The following LIN7A variants were observed in gnomAD, a reference collection of about 807,000 sequenced individuals.
LIN7A encodes the protein lin-7 cell polarity scaffold A.
Under a neutral mutation model 29.8 loss-of-function variants are expected in LIN7A, and 25 were observed. The observed-to-expected ratio is 0.84, with a 90% confidence interval of 0.61 to 1.17. The LOEUF is 1.17. LIN7A is among the 50% of genes most tolerant of loss of function. LIN7A has a pLI of 0.00. For missense variants in LIN7A, 239 were observed against 287.0 expected, an observed-to-expected ratio of 0.83 and a Z score of 1.21; for synonymous variants, 118 against 107.5, an observed-to-expected ratio of 1.10 and a Z score of -0.60.
intron 5 of LIN7A, among the ~76,000 whole-genome samples, chr12:80,805,828 A>C (rs1870949644): frequency 6.6e-6 from 1 of 151,864 alleles, no homozygotes; most frequent in Non-Finnish European, 1.5e-5. Flanking sequence ...TGTTCTTGTG[A>C]TAGTGAATAA....
intron 1 of LIN7A, among the ~76,000 whole-genome samples, chr12:80,918,030 C>A (rs1034900223): frequency 6.6e-6 from 1 of 151,956 alleles, no homozygotes; most frequent in Non-Finnish European, 1.5e-5. Context: ...ACATTTCTTT[C>A]TTTCATTGTT....
chr12:80,807,067 T>TTTTTTTG lies in LIN7A; in HGVS notation c.*4397_*4398insCAAAAAA, dbSNP rs746997537. Among the ~76,000 whole-genome samples the TTTTTTTG allele has an allele frequency of 8.6e-3, 599 of 69,552 alleles. 72 individuals are homozygous for TTTTTTTG. The highest frequency in any genetic ancestry group is 0.012 in the Non-Finnish European group (418 of 33,666). 45.6% of individuals were successfully genotyped at this position (69,552 alleles called of 152,430 possible). On this transcript the variant is annotated intron_variant, in intron 5 of 5. Transcript: ENST00000552864. ...AGGAAATTTAATGAAGATGGAGTTT[T>TTTTTTTG]TTTTTTTTTTTTTTTTTTTTTTTTG...
At chr12:80,910,735 T>C (rs1157976548) in intron 1 of LIN7A, among the ~76,000 whole-genome samples, 2 of 152,200 alleles carry the variant, frequency 1.3e-5, no homozygotes, top group Non-Finnish European at 2.9e-5. Flanking sequence ...GAATACATTA[T>C]CTTTTGTATG....
intron 2 of LIN7A, among the ~76,000 whole-genome samples, chr12:80,871,681 C>G (rs1051330625): frequency 6.6e-6 from 1 of 151,868 alleles, no homozygotes; most frequent in Non-Finnish European, 1.5e-5. Flanking sequence ...CAGATAGAGA[C>G]TAATTCATAA....
intron 1 of LIN7A, among the ~76,000 whole-genome samples, chr12:80,905,190 ATTT>A (rs5799497): frequency 1.5e-4 from 23 of 150,134 alleles, no homozygotes; most frequent in African/African-American, 4.2e-4. Flanking sequence ...ATTTCCAAGG[ATTT>A]TTTTTTTTTC....
At chr12:80,915,389 C>T (rs1335160269) in intron 1 of LIN7A, among the ~76,000 whole-genome samples, 1 of 152,002 alleles carries the variant, frequency 6.6e-6, no homozygotes, top group Non-Finnish European at 1.5e-5. Context: ...CAAGGCAAGG[C>T]TACAGAGAAA....
At chr12:80,818,534 C>T (rs1002104119) in intron 4 of LIN7A, among the ~76,000 whole-genome samples, 1 of 152,098 alleles carries the variant, frequency 6.6e-6, no homozygotes, top group Non-Finnish European at 1.5e-5. Flanking sequence ...ACCTACCAAT[C>T]CTTAATCTTA....
At chr12:80,829,355 T>C (rs1367637042) in intron 4 of LIN7A, among the ~76,000 whole-genome samples, 1 of 152,200 alleles carries the variant, frequency 6.6e-6, no homozygotes, top group East Asian at 1.9e-4. Context: ...CATGACTGAA[T>C]GGTTTTTCTC....
At chr12:80,825,986 A>G (rs1413330423) in intron 4 of LIN7A, among the ~76,000 whole-genome samples, 1 of 152,210 alleles carries the variant, frequency 6.6e-6, no homozygotes, top group Non-Finnish European at 1.5e-5. Context: ...TGTGTTTCCT[A>G]TAAAGTGTAA....
chr12:80,854,361 G>A (rs1325751827), intron 2 of LIN7A, among the ~76,000 whole-genome samples: 1 of 151,832 alleles, frequency 6.6e-6, no homozygotes, highest in Non-Finnish European at 1.5e-5. Context: ...GATCACTTGA[G>A]CGCAGGTATT....
rs1385788328 is a variant in LIN7A at position 80,887,790 on chromosome 12, A to G, written c.201+1461T>C. On this transcript the variant is annotated intron_variant, in intron 2 of 5. Transcript: ENST00000552864. ...GAATTCATCATAAGCCACATACTCA[A>G]TGAGCAGAGGTATATATTTGATGTA... Among the ~76,000 whole-genome samples, 7 of 152,230 alleles carry G rather than the reference A, an allele frequency of 4.6e-5. No individual in the cohort carries two copies. In the East Asian group the frequency reaches 1.2e-3, roughly 25 times the overall value.
At chr12:80,873,240 G>C (rs1874509597) in intron 2 of LIN7A, among the ~76,000 whole-genome samples, 1 of 152,114 alleles carries the variant, frequency 6.6e-6, no homozygotes, top group South Asian at 2.1e-4. Flanking sequence ...CCTTAAAACA[G>C]AGGAACAGGT....
Position 80,794,035 on chromosome 12 carries a change from T to C in LIN7A, c.*3692A>G, listed in dbSNP as rs2121456931. The C allele has an allele frequency of 6.6e-6, 1 of 152,174 alleles. No individual in the cohort carries two copies. The highest frequency in any genetic ancestry group is 3.4e-3 in the Middle Eastern group (1 of 294). 9.4% of individuals were successfully genotyped at this position (152,174 alleles called of 1,614,324 possible). ...GAAGCCTTTAAAGTAATTAATGAAATTTCAAATTCATACATCTAAAAAGTT... is the reference window on the plus strand; with the variant it reads ...GAAGCCTTTAAAGTAATTAATGAAACTTCAAATTCATACATCTAAAAAGTT... On this transcript the variant is annotated 3_prime_UTR_variant, in exon 6 of 6. Transcript: ENST00000552864.
chr12:80,918,390 T>A (rs2120854819), intron 1 of LIN7A, among the ~76,000 whole-genome samples: 1 of 152,108 alleles, frequency 6.6e-6, no homozygotes, highest in Middle Eastern at 3.4e-3. Context: ...ACCAAGTAGG[T>A]GGAATATATT....
chr12:80,838,880 G>A (rs1872692111), intron 4 of LIN7A, among the ~76,000 whole-genome samples: 1 of 152,168 alleles, frequency 6.6e-6, no homozygotes, highest in Admixed American at 6.5e-5. Context: ...AGTGCTTGTG[G>A]ACCAGGGCTG....
At chr12:80,896,539 T>C (rs558249882) in intron 1 of LIN7A, among the ~76,000 whole-genome samples, 1 of 152,338 alleles carries the variant, frequency 6.6e-6, no homozygotes, top group South Asian at 2.1e-4. Flanking sequence ...TGACAATCGA[T>C]GTGTCCTACT....
chr12:80,842,094 A>C, intron 4 of LIN7A: 1 of 1,287,594 alleles, frequency 7.8e-7, no homozygotes, highest in South Asian at 1.2e-5. Flanking sequence ...TGCTGAGCTG[A>C]CATGAGTTTC....
intron 5 of LIN7A, among the ~76,000 whole-genome samples, chr12:80,805,164 A>T (rs1253280645): frequency 6.6e-6 from 1 of 152,178 alleles, no homozygotes; most frequent in Admixed American, 6.5e-5. Flanking sequence ...GGCACACACT[A>T]ATTGTTTAAT....
At chr12:80,883,097 CTCT>C (rs1388254303) in intron 2 of LIN7A, among the ~76,000 whole-genome samples, 1 of 151,560 alleles carries the variant, frequency 6.6e-6, no homozygotes, top group Non-Finnish European at 1.5e-5. Flanking sequence ...TTCTGTTTTT[CTCT>C]TCTTTTTCCT....
Sources: allele counts gnomAD v4.1 joint callset (sites outside exome capture counted in the v4.1 genomes callset), GRCh38; gene constraint gnomAD v4.1.1; transcripts MANE v1.5; gene names NCBI Gene and HGNC (gene_info 2026-07-23, HGNC 2026-07-21).